The following FBN2 variants were observed in gnomAD, a reference collection of about 807,000 sequenced individuals.
FBN2 encodes the protein fibrillin 2.
In FBN2, 105 loss-of-function variants were observed where a neutral mutation model predicts 355.6. That is an observed-to-expected ratio of 0.30 (90% CI 0.25 to 0.35). The LOEUF (loss-of-function observed/expected upper bound fraction) is 0.35, where lower values mean the gene tolerates loss of function less well. FBN2 is among the 10% of genes least tolerant of loss of function. The pLI is 1.00. For missense variants in FBN2, 3,280 were observed against 3,758.7 expected, an observed-to-expected ratio of 0.87 and a Z score of 3.33; for synonymous variants, 1,350 against 1,301.2, an observed-to-expected ratio of 1.04 and a Z score of -0.81.
intron 46 of FBN2, among the ~76,000 whole-genome samples, chr5:128,302,489 C>T (rs1173205632): frequency 6.6e-6 from 1 of 152,136 alleles, no homozygotes; most frequent in Non-Finnish European, 1.5e-5. Flanking sequence ...AACCTAGTCA[C>T]CATTCATTAT....
At chr5:128,379,560 G>A (rs1217389931) in intron 11 of FBN2, among the ~76,000 whole-genome samples, 1 of 152,030 alleles carries the variant, frequency 6.6e-6, no homozygotes, top group Admixed American at 6.6e-5. Flanking sequence ...GAAGTTTTAT[G>A]CAAATACTAG....
chr5:128,446,399 G>A, intron 7 of FBN2, 82 bp downstream of exon 7: 3 of 1,405,250 alleles, frequency 2.1e-6, no homozygotes, highest in East Asian at 2.3e-5. Context: ...GTGACCAGTA[G>A]TCTTCAAAAT....
At chr5:128,389,234 T>G (rs75703608) in intron 11 of FBN2, among the ~76,000 whole-genome samples, 4,099 of 152,298 alleles carry the variant, frequency 0.027, 208 homozygotes, top group African/African-American at 0.093. Flanking sequence ...TGATGAGGCC[T>G]ATGTGCATGT....
intron 5 of FBN2, among the ~76,000 whole-genome samples, chr5:128,506,726 C>T (rs1435514): frequency 0.5 from 75,549 of 151,930 alleles, 22,040 homozygotes; most frequent in African/African-American, 0.82. Flanking sequence ...CTTGCTTTGT[C>T]ACCATATTAC....
rs375324642 is a variant in FBN2, at chr5:128,393,385, T to C, written c.1232-17A>G. 9.3e-6 allele frequency: 15 copies of C among 1,609,128 alleles called. No homozygotes were observed. The African/African-American group carries it at 1.5e-4, about 16-fold the overall frequency. On this transcript the variant is annotated splice_polypyrimidine_tract_variant and intron_variant, in intron 9 of 64. Transcript: ENST00000262464. ...GATATTCCTCTAGAAGAAAAGAAAG[T>C]TGGCATTAAGCACAGGTGAATGTCT... is the stretch of plus-strand genomic sequence containing the variant.
In FBN2 at chr5:128,526,909, T is replaced by A. The variant is rs149752923; in HGVS notation, c.532+963A>T. On this transcript the variant is annotated intron_variant, in intron 4 of 64. Transcript: ENST00000262464. Reference sequence around the variant, plus strand: ...TTGTTATGTATATTTTACAACAATTTAAAAAAATTTTTCATTGCAAGAAAA... The same window carrying A: ...TTGTTATGTATATTTTACAACAATTAAAAAAAATTTTTCATTGCAAGAAAA... Among the ~76,000 whole-genome samples, 285 of 152,216 alleles carry A rather than the reference T, an allele frequency of 1.9e-3. 2 individuals are homozygous for A. Among genetic ancestry groups the A allele is most frequent in the African/African-American group, 6.4e-3 (266 of 41,532 alleles).
At chr5:128,477,568 T>C (rs898870489) in intron 5 of FBN2, among the ~76,000 whole-genome samples, 1 of 152,192 alleles carries the variant, frequency 6.6e-6, no homozygotes, top group Non-Finnish European at 1.5e-5. Context: ...GAAGTTTGCG[T>C]AGTACTTTAT....
At chr5:128,388,757 T>C (rs1378495583) in intron 11 of FBN2, among the ~76,000 whole-genome samples, 1 of 152,134 alleles carries the variant, frequency 6.6e-6, no homozygotes, top group Non-Finnish European at 1.5e-5. Flanking sequence ...TCTCTTTAGT[T>C]GCCTTTAAAA....
chr5:128,281,206 C>G (rs1175711135), intron 55 of FBN2, among the ~76,000 whole-genome samples: 1 of 152,154 alleles, frequency 6.6e-6, no homozygotes, highest in Non-Finnish European at 1.5e-5. Context: ...TATCTTTTAA[C>G]CAGCAGTTTA....
rs1356070069 is a variant in FBN2 at position 128,350,926 on chromosome 5, A to C, written c.2754T>G (p.Ser918=). ...EVNINGATLK[S]ECCATLGAAW... is the part of the protein sequence containing the mutation. ...CGGCTCCGAGGGTGGCACAGCATTCAGATTTCAGAGTGGCTCCATTAATAT... is the reference window on the plus strand; with the variant it reads ...CGGCTCCGAGGGTGGCACAGCATTCCGATTTCAGAGTGGCTCCATTAATAT... Residue 918 remains serine, a synonymous_variant, in exon 21 of 65, where the codon TCT becomes TCG. Coordinates refer to ENST00000262464, the MANE Select transcript of FBN2 (RefSeq NM_001999.4). The C allele has an allele frequency of 3.1e-6, 5 of 1,614,206 alleles. No homozygotes were observed. Among genetic ancestry groups the C allele is most frequent in the South Asian group, 2.2e-5 (2 of 91,082 alleles).
At chr5:128,297,659 C>T (rs1165103610) in intron 48 of FBN2, among the ~76,000 whole-genome samples, 6 of 152,006 alleles carry the variant, frequency 3.9e-5, no homozygotes, top group Admixed American at 3.3e-4. Flanking sequence ...GGATTGCAAC[C>T]CCTGCCTTTT....
chr5:128,272,996 G>A (rs1765304143), intron 61 of FBN2, among the ~76,000 whole-genome samples: 1 of 152,032 alleles, frequency 6.6e-6, no homozygotes, highest in South Asian at 2.1e-4. Flanking sequence ...AGCCCCACAA[G>A]CCTTACAGAG....
chr5:128,490,266 A>G (rs1755464866), intron 5 of FBN2, among the ~76,000 whole-genome samples: 2 of 152,236 alleles, frequency 1.3e-5, no homozygotes. Flanking sequence ...CCAATTTCAT[A>G]TCAACTCTGT....
rs1470277656 is a variant in FBN2 at position 128,374,683 on chromosome 5, G to A, written c.2040C>T (p.Phe680=). ...NGHCINSEGS[F]RCDCPPGLAV... ...CCAGGCCTGGGGGACAGTCACAGCG[G>A]AAGGACCCTTCACTGTTGATGCAGT... The change falls in exon 15 of 65, where the codon TTC becomes TTT. Residue 680 remains phenylalanine (F), a synonymous_variant. Coordinates refer to ENST00000262464, the MANE Select transcript of FBN2 (RefSeq NM_001999.4). The A allele has an allele frequency of 6.2e-7, 1 of 1,613,962 alleles. No homozygotes were observed. The highest frequency in any genetic ancestry group is 1.7e-5 in the Admixed American group (1 of 59,970).
At chr5:128,265,012 C>G (rs371000810) in intron 62 of FBN2, among the ~76,000 whole-genome samples, 2 of 152,192 alleles carry the variant, frequency 1.3e-5, no homozygotes, top group African/African-American at 4.8e-5. Flanking sequence ...GTGTCTTAAT[C>G]ACTGAATATA....
At chr5:128,455,111 C>G (rs1208266430) in intron 6 of FBN2, among the ~76,000 whole-genome samples, 1 of 152,114 alleles carries the variant, frequency 6.6e-6, no homozygotes, top group Admixed American at 6.5e-5. Flanking sequence ...CAAAATGTCA[C>G]TCCTAATTAG....
chr5:128,312,616 C>G lies in FBN2; in HGVS notation c.4879+18G>C. 6.2e-7 allele frequency: 1 copy of G among 1,614,012 alleles called. No individual in the cohort carries two copies. Among genetic ancestry groups the G allele is most frequent in the African/African-American group, 1.3e-5 (1 of 75,044 alleles). ...GATACCAGTTGGTTTTCTTCCTCTT[C>G]TTCAGCTTTGTACTTACTGCTATTG... On this transcript the variant is annotated intron_variant, in intron 37 of 64. Coordinates refer to ENST00000262464, the MANE Select transcript of FBN2 (RefSeq NM_001999.4).
At chr5:128,303,981 T>G (rs933721890) in intron 45 of FBN2, among the ~76,000 whole-genome samples, 1 of 152,176 alleles carries the variant, frequency 6.6e-6, no homozygotes, top group Non-Finnish European at 1.5e-5. Context: ...CCTGCCATTA[T>G]AGGAGAAGTC....
chr5:128,315,639 T>C (rs1338571522), intron 36 of FBN2, among the ~76,000 whole-genome samples: 1 of 152,232 alleles, frequency 6.6e-6, no homozygotes, highest in Non-Finnish European at 1.5e-5. Context: ...CATCACATAT[T>C]TCCTTCCAGT....
Sources: allele counts gnomAD v4.1 joint callset (sites outside exome capture counted in the v4.1 genomes callset), GRCh38; gene constraint gnomAD v4.1.1; transcripts MANE v1.5; gene names NCBI Gene and HGNC (gene_info 2026-07-23, HGNC 2026-07-21).